Variants in PDE6G observed in about 807,000 individuals in gnomAD.
PDE6G encodes rod cGMP 3',5'-cyclic phosphodiesterase subunit gamma.
In PDE6G, 10 loss-of-function variants were observed where a neutral mutation model predicts 10.9. The observed-to-expected ratio is 0.91, with a 90% CI of 0.56 to 1.55. The LOEUF (loss-of-function observed/expected upper bound fraction) is 1.55, where lower values mean the gene tolerates loss of function less well. Ranked by LOEUF, PDE6G falls within the 40% of genes most tolerant of loss-of-function variation. PDE6G has a pLI of 0.00. For synonymous variants in PDE6G, 41 were observed against 42.8 expected (o/e 0.96, Z 0.16); for missense variants, 102 against 110.1 (o/e 0.93, Z 0.33).
Position 81,653,542 on chromosome 17 carries a change from C to G in PDE6G, c.-59-178G>C. On this transcript the variant is annotated intron_variant, in intron 1 of 3. Transcript: ENST00000331056. The surrounding 1 kb of genome is among the most constrained non-coding windows in gnomAD (Gnocchi z 5.2). ...CCTGCCAGCTTTGCTTGGGTCCACC[C>G]GCACGCTCCCATTCCCCTTGCCTAG... 1 of 573,648 alleles carries G rather than the reference C, an allele frequency of 1.7e-6. No homozygotes were observed. The highest frequency in any genetic ancestry group is 3.1e-6 in the Non-Finnish European group (1 of 319,540). 35.5% of individuals were successfully genotyped at this position (573,648 alleles called of 1,614,324 possible). A position where few individuals can be genotyped will look rare whatever the true frequency, so the allele number is the denominator to read the frequency against.
intron 1 of PDE6G, among the ~76,000 whole-genome samples, chr17:81,662,458 A>C (rs2036521449): frequency 6.6e-6 from 1 of 152,180 alleles, no homozygotes. Flanking sequence ...CCACGTCTCT[A>C]CTAAAAATAT....
chr17:81,654,465 T>G (rs2036416843), intron 1 of PDE6G, among the ~76,000 whole-genome samples: 1 of 148,066 alleles, frequency 6.8e-6, no homozygotes, highest in East Asian at 2.1e-4. Flanking sequence ...CTGCAACTTC[T>G]GCCTCCCGGG....
At chr17:81,661,448 G>A (rs2036509290), upstream of PDE6G, among the ~76,000 whole-genome samples, 1 of 152,098 alleles carries the variant, frequency 6.6e-6, no homozygotes, top group Non-Finnish European at 1.5e-5. Flanking sequence ...CAGGCACAGT[G>A]GCTCATGCCT....
At chr17:81,655,097 C>T (rs573619230) in intron 1 of PDE6G, among the ~76,000 whole-genome samples, 3 of 152,264 alleles carry the variant, frequency 2.0e-5, no homozygotes, top group African/African-American at 7.2e-5. Flanking sequence ...TGCTTTCTGC[C>T]TCTTGTCTGT....
chr17:81,651,507 G>A lies in PDE6G; in HGVS notation c.187+138C>T. 1 of 765,856 alleles carries A rather than the reference G, an allele frequency of 1.3e-6. No homozygotes were observed. The highest frequency in any genetic ancestry group is 1.4e-5 in the South Asian group (1 of 69,270). The allele number at this position is 765,856 out of a possible 1,614,324, so 47.4% of individuals were successfully genotyped here. A position where few individuals can be genotyped will look rare whatever the true frequency, so the allele number is the denominator to read the frequency against. On this transcript the variant is annotated intron_variant, in intron 3 of 3. Transcript: ENST00000331056. The surrounding 1 kb of genome is among the most constrained non-coding windows in gnomAD (Gnocchi z 4.8). ...CTGGAGCTCAGTGTTGGGGGAAGAA[G>A]TGATGGACAGGCTGGGGGTCCCTAA...
Position 81,653,413 on chromosome 17 carries a change from C to T in PDE6G, c.-59-49G>A, listed in dbSNP as rs750161223. 1 of 1,352,432 alleles carries T rather than the reference C, an allele frequency of 7.4e-7. No individual in the cohort carries two copies. The highest frequency in any genetic ancestry group is 1.4e-5 in the African/African-American group (1 of 69,762). The allele number at this position is 1,352,432 out of a possible 1,614,324, so 83.8% of individuals were successfully genotyped here. On this transcript the variant is annotated intron_variant, in intron 1 of 3. Transcript: ENST00000331056. The surrounding 1 kb of genome is among the most constrained non-coding windows in gnomAD (Gnocchi z 5.2). The stretch of plus-strand genomic sequence containing the variant: ...CCCAGTCAGCCCTCCTGCTTCCAAC[C>T]CTTGTGGGGGTCTCAACCCACCGGT...
chr17:81,653,361 C>T lies in PDE6G; in HGVS notation c.-56G>A, dbSNP rs748356713. ...TTGGCTCCTGGACTCCCTCCTGCTG[C>T]GGTCTGGGGGCAGACCAGGCCCGGG... is the stretch of plus-strand genomic sequence containing the variant. On this transcript the variant is annotated 5_prime_UTR_variant, in exon 2 of 4. Coordinates refer to ENST00000331056, the MANE Select transcript of PDE6G (RefSeq NM_002602.4). This position sits in a 1 kb window ranked among gnomAD's most constrained non-coding sequence, Gnocchi z 5.2. The T allele has an allele frequency of 1.4e-5, 23 of 1,596,166 alleles. No individual in the cohort carries two copies. Among genetic ancestry groups the T allele is most frequent in the Middle Eastern group, 1.9e-4 (1 of 5,276 alleles).
chr17:81,660,507 G>A (rs901413739), upstream of PDE6G, among the ~76,000 whole-genome samples: 3 of 152,144 alleles, frequency 2.0e-5, no homozygotes, highest in East Asian at 1.9e-4. Flanking sequence ...TTCCCAAAGC[G>A]GCTGTGTATA....
At chr17:81,657,757 T>C (rs1330277023), upstream of PDE6G, among the ~76,000 whole-genome samples, 1 of 151,984 alleles carries the variant, frequency 6.6e-6, no homozygotes, top group Non-Finnish European at 1.5e-5. Context: ...GGCATGTACC[T>C]GTAATCCCAG....
chr17:81,656,627 G>A (rs1419780940), upstream of PDE6G: 4 of 713,782 alleles, frequency 5.6e-6, no homozygotes, highest in East Asian at 5.2e-5. Flanking sequence ...AGATTGTTGG[G>A]CCCCGAGGGG....
chr17:81,656,294 A>G (rs1322895438), intron 1 of PDE6G, among the ~76,000 whole-genome samples, 199 bp downstream of exon 1: 1 of 152,132 alleles, frequency 6.6e-6, no homozygotes, highest in African/African-American at 2.4e-5. Context: ...ACTGGTTACC[A>G]TGGGGGAGCA....
rs1375204022 is a variant in PDE6G, at chr17:81,653,367, G to T, written c.-59-3C>A. 6.3e-7 allele frequency: 1 copy of T among 1,589,018 alleles called. No homozygotes were observed. Among genetic ancestry groups the T allele is most frequent in the Non-Finnish European group, 8.5e-7 (1 of 1,169,942 alleles). ...CCTGGACTCCCTCCTGCTGCGGTCT[G>T]GGGGCAGACCAGGCCCGGGTCCCAG... On this transcript the variant is annotated splice_region_variant and splice_polypyrimidine_tract_variant and intron_variant, in intron 1 of 3. Transcript: ENST00000331056. This position sits in a 1 kb window ranked among gnomAD's most constrained non-coding sequence, Gnocchi z 5.2.
At position 81,653,182 on chromosome 17, in the gene PDE6G, G is replaced by A; in HGVS notation, c.124C>T (p.Pro42Ser). The A allele has an allele frequency of 6.2e-7, 1 of 1,614,098 alleles. No individual in the cohort carries two copies. Among genetic ancestry groups the A allele is most frequent in the Non-Finnish European group, 8.5e-7 (1 of 1,180,002 alleles). ...TACCCTTGAACGCCTTTCTTTGGGG[G>A]CTTGCTCTTGAACTGCCTGGTCTGT... ...QRQTRQFKSKPPKKGVQGFGD... is the reference protein window; with the variant it reads ...QRQTRQFKSKSPKKGVQGFGD... Residue 42 changes from proline (P) to serine (S), a missense_variant, in exon 2 of 4, where the codon CCC becomes TCC. Physicochemically the swap from Pro to Ser is moderately conservative, Grantham distance 74. Transcript: ENST00000331056. The surrounding 1 kb of genome is among the most constrained non-coding windows in gnomAD (Gnocchi z 5.2).
Position 81,651,650 on chromosome 17 carries a change from C to T in PDE6G, c.182G>A (p.Gly61Glu). The change falls in exon 3 of 4, where the codon GGA becomes GAA. Residue 61 changes from glycine (G) to glutamate (E), a missense_variant. Gly to Glu is a moderately conservative substitution (Grantham distance 98, BLOSUM62 -2). Coordinates refer to ENST00000331056, the MANE Select transcript of PDE6G (RefSeq NM_002602.4). The surrounding 1 kb of genome is among the most constrained non-coding windows in gnomAD (Gnocchi z 4.8). ...GDDIPGMEGL[G>E]TDITVICPWE... ...GGTACTGGCAGCCGTCATACCTGTTCCCAGGCCTTCCATTCCAGGGATGTC... is the reference window on the plus strand; with the variant it reads ...GGTACTGGCAGCCGTCATACCTGTTTCCAGGCCTTCCATTCCAGGGATGTC... 1 of 1,613,946 alleles carries T rather than the reference C, an allele frequency of 6.2e-7. No homozygotes were observed. Among genetic ancestry groups the T allele is most frequent in the Non-Finnish European group, 8.5e-7 (1 of 1,179,922 alleles).
chr17:81,659,942 G>A (rs1446619600), upstream of PDE6G, among the ~76,000 whole-genome samples: 1 of 152,016 alleles, frequency 6.6e-6, no homozygotes, highest in Non-Finnish European at 1.5e-5. Context: ...AAAATTAGCC[G>A]GGCGTGGTGG....
At chr17:81,654,923 T>A (rs1454870542) in intron 1 of PDE6G, among the ~76,000 whole-genome samples, 4 of 151,776 alleles carry the variant, frequency 2.6e-5, no homozygotes, top group Non-Finnish European at 4.4e-5. Context: ...AATTTATTTT[T>A]TTTTTTGTAT....
In PDE6G at chr17:81,653,503, C is replaced by G. The variant is rs567235838; in HGVS notation, c.-59-139G>C. 2.5e-4 allele frequency: 157 copies of G among 623,562 alleles called. 3 individuals carry two copies. In the South Asian group the frequency reaches 2.9e-3, roughly 11 times the overall value. 38.6% of individuals were successfully genotyped at this position (623,562 alleles called of 1,614,324 possible). On this transcript the variant is annotated intron_variant, in intron 1 of 3. Transcript: ENST00000331056. This position sits in a 1 kb window ranked among gnomAD's most constrained non-coding sequence, Gnocchi z 5.2. ...CCAGACAGCAGCCCCTGCAATCCGCCCTGGGGTAACCAGCCTGCCAGCTTT... is the reference window on the plus strand; with the variant it reads ...CCAGACAGCAGCCCCTGCAATCCGCGCTGGGGTAACCAGCCTGCCAGCTTT...
At chr17:81,659,088 C>T (rs2036484675), upstream of PDE6G, among the ~76,000 whole-genome samples, 1 of 151,706 alleles carries the variant, frequency 6.6e-6, no homozygotes, top group Non-Finnish European at 1.5e-5. Context: ...AGTCAAAAAC[C>T]TCTTGTCCCA....
chr17:81,659,151 CTTTTTTTT>C (rs779928637), upstream of PDE6G, among the ~76,000 whole-genome samples: 3 of 114,702 alleles, frequency 2.6e-5, no homozygotes, highest in Non-Finnish European at 5.2e-5. Flanking sequence ...CAATCCATAT[CTTTTTTTT>C]TTTTTTTTTT....
Sources: gnomAD v4.1 joint callset for allele counts (sites outside exome capture counted in the v4.1 genomes callset) on GRCh38, gnomAD v4.1.1 for gene constraint, Gnocchi (gnomAD v3.1) non-coding constraint, MANE v1.5 for transcripts, NCBI Gene and HGNC (gene_info 2026-07-23, HGNC 2026-07-21) for gene names.